Variants in SPATA6 observed in about 807,000 individuals in gnomAD.
SPATA6 encodes spermatogenesis associated 6.
Under a neutral mutation model 65.3 loss-of-function variants are expected in SPATA6, and 56 were observed. The ratio of observed to expected loss-of-function variants is 0.86; its 90% CI spans 0.69 to 1.07. The LOEUF is 1.07. Among genes scored for constraint, SPATA6 ranks in the 50% least tolerant of loss-of-function variants. SPATA6 has a pLI of 0.00. For missense variants in SPATA6, 590 were observed against 594.8 expected, an observed-to-expected ratio of 0.99 and a Z score of 0.08; for synonymous variants, 199 against 213.2, an observed-to-expected ratio of 0.93 and a Z score of 0.58.
chr1:48,327,940 G>T (rs1645810988), intron 11 of SPATA6, among the ~76,000 whole-genome samples: 1 of 152,074 alleles, frequency 6.6e-6, no homozygotes, highest in Admixed American at 6.5e-5. Flanking sequence ...ATATATCCAT[G>T]TAACAAACAT....
chr1:48,404,721 T>C (rs190383443), intron 5 of SPATA6, among the ~76,000 whole-genome samples: 2 of 152,260 alleles, frequency 1.3e-5, no homozygotes, highest in Non-Finnish European at 1.5e-5. Flanking sequence ...AAAAGATAAG[T>C]CTCTACTAAT....
chr1:48,312,877 G>C (rs977337078), intron 11 of SPATA6, among the ~76,000 whole-genome samples: 1 of 152,110 alleles, frequency 6.6e-6, no homozygotes, highest in South Asian at 2.1e-4. Context: ...TGAAAACCAC[G>C]GCAAGAGACA....
intron 1 of SPATA6, among the ~76,000 whole-genome samples, chr1:48,462,578 A>T (rs1264726365): frequency 6.6e-6 from 1 of 152,172 alleles, no homozygotes; most frequent in Non-Finnish European, 1.5e-5. Flanking sequence ...CAGACAAAAA[A>T]TTTAATATGG....
chr1:48,454,289 T>C (rs1308174051), intron 1 of SPATA6, among the ~76,000 whole-genome samples: 3 of 152,210 alleles, frequency 2.0e-5, no homozygotes, highest in Non-Finnish European at 2.9e-5. Flanking sequence ...ACATTCAAAG[T>C]ATATTTTTTA....
At position 48,472,138 on chromosome 1, in the gene SPATA6, G is replaced by C. The variant is rs1301106794; in HGVS notation, c.-130C>G. 1 of 698,134 alleles carries C rather than the reference G, an allele frequency of 1.4e-6. No homozygotes were observed. The highest frequency in any genetic ancestry group is 2.2e-6 in the Non-Finnish European group (1 of 448,612). The allele number at this position is 698,134 out of a possible 1,614,324, so 43.2% of individuals were successfully genotyped here. A position where few individuals can be genotyped will look rare whatever the true frequency, so the allele number is the denominator to read the frequency against. On this transcript the variant is annotated 5_prime_UTR_variant, in exon 1 of 13. Coordinates refer to ENST00000371847, the MANE Select transcript of SPATA6 (RefSeq NM_019073.4). The stretch of plus-strand genomic sequence containing the variant: ...GGTGGCAGCAGTGGCCCCCAGGCCG[G>C]GGCCCGCGGTCCAGCCTGGGTTCCG...
intron 5 of SPATA6, 137 bp from the exon 6 acceptor site, chr1:48,404,019 A>C: frequency 1.7e-6 from 1 of 588,176 alleles, no homozygotes; most frequent in Non-Finnish European, 2.9e-6. Flanking sequence ...TTTTCATTAA[A>C]GATAAAGACA....
intron 8 of SPATA6, among the ~76,000 whole-genome samples, chr1:48,387,632 CTG>C (rs1649615757): frequency 1.3e-5 from 2 of 152,146 alleles, no homozygotes; most frequent in Non-Finnish European, 2.9e-5. Context: ...ATCAGGGAGC[CTG>C]AGGCAAGCAA....
chr1:48,268,649 C>T, the SPATA6 span, among the ~76,000 whole-genome samples: 1 of 152,064 alleles, frequency 6.6e-6, no homozygotes, highest in South Asian at 2.1e-4. Context: ...AAAATACTAC[C>T]TTAACTGTAT....
At chr1:48,469,464 A>G (rs1326285566) in intron 1 of SPATA6, among the ~76,000 whole-genome samples, 2 of 49,858 alleles carry the variant, frequency 4.0e-5, no homozygotes, top group African/African-American at 6.6e-5. Flanking sequence ...ATAAAAACAA[A>G]TATCTATTTA....
chr1:48,311,749 G>A (rs544028480), intron 11 of SPATA6, among the ~76,000 whole-genome samples: 24 of 152,302 alleles, frequency 1.6e-4, no homozygotes, highest in East Asian at 9.7e-4. Flanking sequence ...TGCACCGAGC[G>A]TGAGCCGAAG....
chr1:48,364,609 C>A (rs922541610), intron 9 of SPATA6, among the ~76,000 whole-genome samples: 6 of 152,100 alleles, frequency 3.9e-5, no homozygotes, highest in Admixed American at 1.3e-4. Context: ...TCTTTTGAGA[C>A]ATGTCTGTTC....
intron 11 of SPATA6, among the ~76,000 whole-genome samples, chr1:48,346,638 G>A (rs1646373813): frequency 6.6e-6 from 1 of 152,036 alleles, no homozygotes; most frequent in Non-Finnish European, 1.5e-5. Context: ...CAAAATCCAT[G>A]TTCAAAAATC....
At chr1:48,401,553 C>T (rs1651165294) in intron 6 of SPATA6, among the ~76,000 whole-genome samples, 1 of 152,114 alleles carries the variant, frequency 6.6e-6, no homozygotes, top group Non-Finnish European at 1.5e-5. Context: ...AGGAGAGACA[C>T]TTCAAAAGTG....
chr1:48,469,472 TTATA>T (rs59371419), intron 1 of SPATA6, among the ~76,000 whole-genome samples: 35,358 of 144,142 alleles, frequency 0.25, 4,834 homozygotes, highest in East Asian at 0.46. Context: ...AAATATCTAT[TTATA>T]TATATATATA....
At chr1:48,266,778 A>G in the SPATA6 span, among the ~76,000 whole-genome samples, 1 of 152,202 alleles carries the variant, frequency 6.6e-6, no homozygotes, top group Non-Finnish European at 1.5e-5. Context: ...GTTTAAGATT[A>G]TCAACAAAAA....
Position 48,298,746 on chromosome 1 carries a change from A to ACAGGC in SPATA6, c.1429_1433dup (p.Cys478TrpfsTer22), listed in dbSNP as rs748734328. The ACAGGC allele has an allele frequency of 2.5e-6, 4 of 1,613,906 alleles. No individual in the cohort carries two copies. Among genetic ancestry groups the ACAGGC allele is most frequent in the Non-Finnish European group, 3.4e-6 (4 of 1,179,888 alleles). On this transcript the variant is annotated frameshift_variant, in exon 13 of 13. Transcript: ENST00000371847. LOFTEE classifies it high-confidence loss of function. ...TTTCCTGTGTATGTGAAGCAGAACTACAGGCCTTTTTGTATAAGTTCCTGT... is the reference window on the plus strand; with the variant it reads ...TTTCCTGTGTATGTGAAGCAGAACTACAGGCCAGGCCTTTTTGTATAAGTTCCTGT...
chr1:48,453,241 A>T (rs921041004), intron 1 of SPATA6, 110 bp from the exon 2 acceptor site: 145 of 1,178,344 alleles, frequency 1.2e-4, no homozygotes, highest in Non-Finnish European at 1.5e-4. Flanking sequence ...GTAATCTAAT[A>T]AAAAATACTC....
intron 9 of SPATA6, among the ~76,000 whole-genome samples, chr1:48,361,789 T>C (rs936926116): frequency 2.0e-5 from 3 of 152,164 alleles, no homozygotes; most frequent in Admixed American, 2.0e-4. Flanking sequence ...ATGTCATTTG[T>C]TATTAAAACA....
chr1:48,364,668 G>A (rs1646936942), intron 9 of SPATA6, among the ~76,000 whole-genome samples: 1 of 152,046 alleles, frequency 6.6e-6, no homozygotes, highest in East Asian at 1.9e-4. Flanking sequence ...TTGTAAATTT[G>A]TTTGAGTTCA....
Sources: allele counts gnomAD v4.1 joint callset (sites outside exome capture counted in the v4.1 genomes callset), GRCh38; gene constraint gnomAD v4.1.1; transcripts MANE v1.5; gene names NCBI Gene and HGNC (gene_info 2026-07-23, HGNC 2026-07-21).